Variants in RNF41 observed in about 807,000 individuals in gnomAD.
RNF41 encodes E3 ubiquitin-protein ligase NRDP1.
A neutral mutation model predicts 33.0 loss-of-function variants in RNF41; 4 were observed. The ratio of observed to expected loss-of-function variants is 0.12; its 90% CI spans 0.06 to 0.28. The LOEUF is 0.28. RNF41 is among the 10% of genes least tolerant of loss of function. RNF41 has a pLI of 1.00. For synonymous variants in RNF41, 164 were observed against 153.2 expected (o/e 1.07, Z -0.52); for missense variants, 228 against 432.6 (o/e 0.53, Z 4.19).
chr12:56,207,834 G>T, intron 5 of RNF41, 85 bp from the exon 6 acceptor site: 1 of 1,069,810 alleles, frequency 9.3e-7, no homozygotes, highest in Non-Finnish European at 1.5e-6. Flanking sequence ...GAGGGCAACT[G>T]AGAGATCTGA....
At chr12:56,215,668 G>A (rs1342944817) in intron 2 of RNF41, among the ~76,000 whole-genome samples, 7 of 145,858 alleles carry the variant, frequency 4.8e-5, no homozygotes, top group Admixed American at 2.1e-4. Flanking sequence ...GCAGTGAGCC[G>A]AGATTGCACC....
In RNF41 at chr12:56,210,279, G is replaced by C; in HGVS notation, c.362+18C>G. 6.2e-7 allele frequency: 1 copy of C among 1,607,314 alleles called. No individual in the cohort carries two copies. Among genetic ancestry groups the C allele is most frequent in the Non-Finnish European group, 8.5e-7 (1 of 1,174,514 alleles). ...AGATGGCCCTTATCCATGTGGGGCA[G>C]AAGGGAACAAATCTCACCCACAGCC... On this transcript the variant is annotated intron_variant, in intron 4 of 6. Transcript: ENST00000345093.
Position 56,207,671 on chromosome 12 carries a change from T to C in RNF41, c.577A>G (p.Thr193Ala). 6.2e-7 allele frequency: 1 copy of C among 1,613,146 alleles called. No homozygotes were observed. The highest frequency in any genetic ancestry group is 1.1e-5 in the South Asian group (1 of 91,060). The change falls in exon 6 of 7, where the codon ACA becomes GCA. Residue 193 changes from threonine (T) to alanine (A), a missense_variant. By Grantham distance (58) the Thr-to-Ala change is moderately conservative. This residue lies in a region of RNF41 where 199 missense variants were observed against 334.6 expected (regional missense o/e 0.59). Transcript: ENST00000345093. ...VNPNLQNLEE[T>A]IEYNEILEWV... ...TCTAGGATCTCGTTGTATTCAATTG[T>C]CTCCTCCAGGTTCTGAAGGTTGGGG...
intron 3 of RNF41, among the ~76,000 whole-genome samples, chr12:56,211,609 G>A (rs1284544691): frequency 6.6e-6 from 1 of 152,074 alleles, no homozygotes; most frequent in Non-Finnish European, 1.5e-5. Context: ...AATTTGATAT[G>A]GGTCTTGAAG....
chr12:56,215,717 C>G (rs1467949566), intron 2 of RNF41, among the ~76,000 whole-genome samples: 1 of 74,526 alleles, frequency 1.3e-5, no homozygotes, highest in Admixed American at 1.4e-4. Context: ...GACTCTGTCT[C>G]AAAAAAAAAA....
At chr12:56,215,293 A>G (rs1868790776) in intron 2 of RNF41, among the ~76,000 whole-genome samples, 1 of 150,046 alleles carries the variant, frequency 6.7e-6, no homozygotes. Flanking sequence ...AAGGACTTAA[A>G]AAACAATGTG....
intron 4 of RNF41, 191 bp from the exon 5 acceptor site, chr12:56,208,489 G>A (rs1428869449): frequency 8.2e-6 from 4 of 486,704 alleles, no homozygotes; most frequent in East Asian, 6.2e-5. Context: ...CCCCTTTGCT[G>A]TCTATTTTCC....
At chr12:56,215,056 G>C (rs1868770814) in intron 2 of RNF41, among the ~76,000 whole-genome samples, 1 of 152,122 alleles carries the variant, frequency 6.6e-6, no homozygotes, top group Non-Finnish European at 1.5e-5. Context: ...TAAATGTTGG[G>C]GGAGCAGGGC....
rs562132454 is a variant in RNF41 at position 56,204,313 on chromosome 12, G to C, written c.*2134C>G. Reference sequence around the variant, plus strand: ...GGCTGCTACAGAACAGGAGATAGGAGGGAAGAATGCAGGAGGGTACATGGG... The same window carrying C: ...GGCTGCTACAGAACAGGAGATAGGACGGAAGAATGCAGGAGGGTACATGGG... On this transcript the variant is annotated 3_prime_UTR_variant, in exon 7 of 7. Coordinates refer to ENST00000345093, the MANE Select transcript of RNF41 (RefSeq NM_005785.4). The C allele has an allele frequency of 1.3e-5, 2 of 152,346 alleles. No homozygotes were observed. Among genetic ancestry groups the C allele is most frequent in the South Asian group, 4.1e-4 (2 of 4,832 alleles). 9.4% of individuals were successfully genotyped at this position (152,346 alleles called of 1,614,324 possible).
chr12:56,208,047 T>C (rs1868306863), intron 5 of RNF41, 116 bp downstream of exon 5: 1 of 1,275,562 alleles, frequency 7.8e-7, no homozygotes, highest in Admixed American at 1.8e-5. Flanking sequence ...TATCCACTCA[T>C]CTAGGCTCAC....
intron 3 of RNF41, among the ~76,000 whole-genome samples, 174 bp from the exon 4 acceptor site, chr12:56,210,742 G>A (rs1225055353): frequency 1.3e-5 from 2 of 152,190 alleles, no homozygotes; most frequent in African/African-American, 4.8e-5. Context: ...TAGGGGACAG[G>A]CTTAAGATAC....
Position 56,203,297 on chromosome 12 carries a change from C to A in RNF41, c.*3150G>T, listed in dbSNP as rs1433473783. The A allele has an allele frequency of 1.3e-5, 2 of 152,022 alleles. No individual in the cohort carries two copies. Among genetic ancestry groups the A allele is most frequent in the African/African-American group, 4.8e-5 (2 of 41,306 alleles). The allele number at this position is 152,022 out of a possible 1,614,324, so 9.4% of individuals were successfully genotyped here. A position where few individuals can be genotyped will look rare whatever the true frequency, so the allele number is the denominator to read the frequency against. On this transcript the variant is annotated 3_prime_UTR_variant, in exon 7 of 7. Coordinates refer to ENST00000345093, the MANE Select transcript of RNF41 (RefSeq NM_005785.4). The stretch of plus-strand genomic sequence containing the variant: ...CTCCCAGGTTCAAGCGATTCTTGTG[C>A]CTTAGCCTTCCAAGGAGCTGGGATC...
In RNF41 at chr12:56,202,579, T is replaced by C. The variant is rs1878637471; in HGVS notation, c.*3868A>G. 6.6e-6 allele frequency: 1 copy of C among 152,244 alleles called. No individual in the cohort carries two copies. The highest frequency in any genetic ancestry group is 1.5e-5 in the Non-Finnish European group (1 of 68,046). The allele number at this position is 152,244 out of a possible 1,614,324, so 9.4% of individuals were successfully genotyped here. A position where few individuals can be genotyped will look rare whatever the true frequency, so the allele number is the denominator to read the frequency against. On this transcript the variant is annotated 3_prime_UTR_variant, in exon 7 of 7. Transcript: ENST00000345093. The stretch of plus-strand genomic sequence containing the variant: ...GGCAGTGGGGTTGTAACCTGTAGTT[T>C]GCTGACCTCTGACCTATAACAAGTA...
intron 1 of RNF41, among the ~76,000 whole-genome samples, chr12:56,218,312 T>C (rs1259428094): frequency 6.6e-6 from 1 of 151,748 alleles, no homozygotes; most frequent in African/African-American, 2.4e-5. Context: ...CAGGCTGGAG[T>C]ACAGTGGCAT....
At chr12:56,208,120 C>G (rs1020649306) in intron 5 of RNF41, 43 bp downstream of exon 5, 13 of 1,611,468 alleles carry the variant, frequency 8.1e-6, no homozygotes, top group Non-Finnish European at 1.1e-5. Context: ...AGGCAGTTAT[C>G]TGCATATGAG....
At position 56,206,450 on chromosome 12, in the gene RNF41, T is replaced by C. The variant is rs1210475352; in HGVS notation, c.951A>G (p.Ile317Met). 1 of 1,608,010 alleles carries C rather than the reference T, an allele frequency of 6.2e-7. No homozygotes were observed. The highest frequency in any genetic ancestry group is 8.5e-7 in the Non-Finnish European group (1 of 1,175,992). The change falls in exon 7 of 7, where the codon ATA (isoleucine) becomes ATG (methionine). Residue 317 changes from isoleucine to methionine, a missense_variant. Physicochemically the swap from Ile to Met is conservative, Grantham distance 10. This residue lies in a region of RNF41 where 199 missense variants were observed against 334.6 expected (regional missense o/e 0.59). Coordinates refer to ENST00000345093, the MANE Select transcript of RNF41 (RefSeq NM_005785.4). This position sits in a 1 kb window ranked among gnomAD's most constrained non-coding sequence, Gnocchi z 5.7. ...VMIFAHGVEE[I>M] The stretch of plus-strand genomic sequence containing the variant: ...CCTGATAGCCAGTCGAGTTCTCTTA[T>C]ATCTCTTCCACGCCATGCGCAAATA...
In RNF41 at chr12:56,206,698, C is replaced by T; in HGVS notation, c.703G>A (p.Glu235Lys). ...ACAATAGAAGCAGGACAGCCACTCTCCACCAGGGAGCGCTTGATTACAGCC... is the reference window on the plus strand; with the variant it reads ...ACAATAGAAGCAGGACAGCCACTCTTCACCAGGGAGCGCTTGATTACAGCC... ...LQAVIKRSLV[E>K]SGCPASIVNE... Residue 235 changes from glutamate to lysine, a missense_variant, in exon 7 of 7, where the codon GAG becomes AAG. Glu to Lys is a moderately conservative substitution (Grantham distance 56). Transcript: ENST00000345093. The surrounding 1 kb of genome is among the most constrained non-coding windows in gnomAD (Gnocchi z 5.7). The T allele has an allele frequency of 1.2e-6, 2 of 1,614,136 alleles. No individual in the cohort carries two copies. The highest frequency in any genetic ancestry group is 1.7e-6 in the Non-Finnish European group (2 of 1,180,020).
intron 3 of RNF41, among the ~76,000 whole-genome samples, chr12:56,213,699 C>T (rs2135809051): frequency 6.6e-6 from 1 of 152,220 alleles, no homozygotes; most frequent in East Asian, 1.9e-4. Flanking sequence ...AAGCAGCTGA[C>T]TGTTTTACAG....
intron 3 of RNF41, 102 bp from the exon 4 acceptor site, chr12:56,210,670 C>G: frequency 1.7e-6 from 2 of 1,206,964 alleles, no homozygotes; most frequent in Admixed American, 4.1e-5. Flanking sequence ...TTTGAGCAGC[C>G]TCTACGACAA....
Sources: gnomAD v4.1 joint callset for allele counts (sites outside exome capture counted in the v4.1 genomes callset) on GRCh38, gnomAD v4.1.1 for gene constraint, gnomAD v4.1.1 regional missense constraint, Gnocchi (gnomAD v3.1) non-coding constraint, MANE v1.5 for transcripts, NCBI Gene and HGNC (gene_info 2026-07-23, HGNC 2026-07-21) for gene names.